The following THADA variants were observed in gnomAD, a reference collection of about 807,000 sequenced individuals.
THADA encodes the protein THADA armadillo repeat containing, also known as tRNA (32-2'-O)-methyltransferase regulator THADA.
In THADA, 213 loss-of-function variants were observed where a neutral mutation model predicts 219.8. The ratio of observed to expected loss-of-function variants is 0.97; its 90% CI spans 0.87 to 1.09. The LOEUF is 1.09. Among genes scored for constraint, THADA ranks in the 50% least tolerant of loss-of-function variants. The pLI is 0.00. For synonymous variants in THADA, 1,018 were observed against 828.9 expected (o/e 1.23, Z -3.92); for missense variants, 2,956 against 2,311.3 (o/e 1.28, Z -5.72).
chr2:43,383,774 G>A (rs1672306839), intron 29 of THADA, among the ~76,000 whole-genome samples: 1 of 152,134 alleles, frequency 6.6e-6, no homozygotes, highest in Non-Finnish European at 1.5e-5. Context: ...CTCAGGAAAT[G>A]AGTGCTTACT....
intron 20 of THADA, among the ~76,000 whole-genome samples, chr2:43,541,754 A>G (rs916676478): frequency 1.3e-5 from 2 of 152,162 alleles, no homozygotes; most frequent in Non-Finnish European, 2.9e-5. Context: ...TGGGCCTCCC[A>G]AAGTGCTGGG....
intron 28 of THADA, among the ~76,000 whole-genome samples, chr2:43,426,263 G>A (rs376154910): frequency 2.0e-5 from 3 of 152,172 alleles, no homozygotes; most frequent in South Asian, 4.2e-4. Flanking sequence ...ACCACTGAAA[G>A]GTACTTTCAA....
intron 36 of THADA, among the ~76,000 whole-genome samples, chr2:43,248,388 C>A (rs2104114960): frequency 6.6e-6 from 1 of 151,912 alleles, no homozygotes; most frequent in African/African-American, 2.4e-5. Context: ...CACCACCATG[C>A]CTGGCTAATT....
chr2:43,265,418 T>G (rs1184777752), intron 36 of THADA, among the ~76,000 whole-genome samples: 1 of 152,140 alleles, frequency 6.6e-6, no homozygotes, highest in Non-Finnish European at 1.5e-5. Context: ...AAAATTAGAG[T>G]AACCAAACTG....
chr2:43,239,453 C>A (rs988098224), intron 36 of THADA, among the ~76,000 whole-genome samples: 3 of 152,246 alleles, frequency 2.0e-5, no homozygotes, highest in South Asian at 2.1e-4. Context: ...TGATTCCCCC[C>A]ACTAGGGGAA....
chr2:43,292,104 C>G lies in THADA; in HGVS notation c.4937G>C (p.Arg1646Thr), dbSNP rs746792700. Residue 1646 changes from arginine to threonine, a missense_variant and splice_region_variant, in exon 33 of 38, where the codon AGA becomes ACA. Arg to Thr is a moderately conservative substitution (Grantham distance 71). Transcript: ENST00000405975. ...TGCACAGGAGGTTTTGGGGGCAAACCTTTCATTGGAAGCAATATCCATCGT... is the reference window on the plus strand; with the variant it reads ...TGCACAGGAGGTTTTGGGGGCAAACGTTTCATTGGAAGCAATATCCATCGT... ...IWTMDIASNE[R>T]SEIQSVALRL... 2 of 1,596,822 alleles carry G rather than the reference C, an allele frequency of 1.3e-6. No homozygotes were observed. Among genetic ancestry groups the G allele is most frequent in the South Asian group, 2.3e-5 (2 of 87,468 alleles).
intron 28 of THADA, among the ~76,000 whole-genome samples, chr2:43,427,725 G>C (rs1391664802): frequency 1.3e-5 from 2 of 149,616 alleles, no homozygotes; most frequent in Non-Finnish European, 3.0e-5. Context: ...GGGAGAATGA[G>C]GTGGGCGGAT....
At chr2:43,338,376 TGA>T (rs1186200128) in intron 30 of THADA, among the ~76,000 whole-genome samples, 1 of 152,032 alleles carries the variant, frequency 6.6e-6, no homozygotes, top group Non-Finnish European at 1.5e-5. Context: ...AGGCTGGTCT[TGA>T]ACTCCTGACC....
At chr2:43,526,938 A>G (rs1693240313) in intron 22 of THADA, among the ~76,000 whole-genome samples, 1 of 152,178 alleles carries the variant, frequency 6.6e-6, no homozygotes, top group African/African-American at 2.4e-5. Context: ...TTCATAAGTC[A>G]TATCTACACT....
chr2:43,545,865 G>C lies in THADA; in HGVS notation c.3106+3345C>G, dbSNP rs1192020394. On this transcript the variant is annotated intron_variant, in intron 20 of 37. Transcript: ENST00000405975. ...ATTTTTTGAAGGGTTTTTTGTGTCTGTATTTCCTTCAGTTCTGCTCTGACT... is the reference window on the plus strand; with the variant it reads ...ATTTTTTGAAGGGTTTTTTGTGTCTCTATTTCCTTCAGTTCTGCTCTGACT... Among the ~76,000 whole-genome samples the C allele has an allele frequency of 4.8e-4, 72 of 149,944 alleles. 1 individual carries two copies. The South Asian group carries it at 0.01, about 21-fold the overall frequency.
At chr2:43,449,674 T>C (rs1411339173) in intron 26 of THADA, among the ~76,000 whole-genome samples, 1 of 152,034 alleles carries the variant, frequency 6.6e-6, no homozygotes, top group African/African-American at 2.4e-5. Flanking sequence ...GAAGCTGAGG[T>C]GGGAGAATCA....
intron 31 of THADA, among the ~76,000 whole-genome samples, chr2:43,309,447 A>T (rs1342423325): frequency 1.3e-5 from 2 of 152,212 alleles, no homozygotes; most frequent in Non-Finnish European, 2.9e-5. Flanking sequence ...ATGACCATCA[A>T]CTAGTAAATT....
At chr2:43,261,212 A>ATT (rs1392295668) in intron 36 of THADA, among the ~76,000 whole-genome samples, 4 of 95,288 alleles carry the variant, frequency 4.2e-5, no homozygotes, top group African/African-American at 1.9e-4. Context: ...AAATTTGTGC[A>ATT]TTTCTTTTTT....
intron 31 of THADA, among the ~76,000 whole-genome samples, chr2:43,314,379 G>A (rs1010806406): frequency 6.6e-6 from 1 of 151,730 alleles, no homozygotes; most frequent in African/African-American, 2.4e-5. Flanking sequence ...AACCCAACAA[G>A]AGAGCTTAAA....
intron 21 of THADA, among the ~76,000 whole-genome samples, chr2:43,536,294 C>T (rs1312096759): frequency 2.6e-5 from 4 of 152,136 alleles, no homozygotes; most frequent in Non-Finnish European, 5.9e-5. Flanking sequence ...CTATTCTGTT[C>T]CACTGGTCTA....
chr2:43,362,891 C>G (rs577779102), intron 29 of THADA, among the ~76,000 whole-genome samples: 40 of 151,798 alleles, frequency 2.6e-4, no homozygotes, highest in Middle Eastern at 3.4e-3. Context: ...TATGTTTTTA[C>G]TTTTTTAACT....
intron 7 of THADA, among the ~76,000 whole-genome samples, chr2:43,585,648 C>T (rs1211038364): frequency 2.6e-5 from 4 of 151,862 alleles, no homozygotes; most frequent in Non-Finnish European, 4.4e-5. Context: ...AAGAAATATA[C>T]TGAACAAAAC....
chr2:43,489,851 T>G (rs1037983741), intron 25 of THADA, among the ~76,000 whole-genome samples: 2 of 133,874 alleles, frequency 1.5e-5, no homozygotes, highest in African/African-American at 6.4e-5. Context: ...TCCCTCACAT[T>G]TCCATATGTA....
In THADA at chr2:43,541,272, C is replaced by T; in HGVS notation, c.3151G>A (p.Val1051Ile). 9 of 1,613,328 alleles carry T rather than the reference C, an allele frequency of 5.6e-6. No homozygotes were observed. Among genetic ancestry groups the T allele is most frequent in the Non-Finnish European group, 7.6e-6 (9 of 1,179,612 alleles). ...TCDVTAQMVL[V>I]CCWRSMKEVA... ...TCCTTCATACTTCTCCAACAACATA[C>T]CAGCACCATCTGCGCAGTTACATCA... is the stretch of plus-strand genomic sequence containing the variant. Residue 1051 changes from valine (V) to isoleucine (I), a missense_variant, in exon 21 of 38, where the codon GTA (valine) becomes ATA (isoleucine). Val to Ile is a conservative substitution (Grantham distance 29). Transcript: ENST00000405975.
Sources: allele counts gnomAD v4.1 joint callset (sites outside exome capture counted in the v4.1 genomes callset), GRCh38; gene constraint gnomAD v4.1.1; transcripts MANE v1.5; gene names NCBI Gene and HGNC (gene_info 2026-07-23, HGNC 2026-07-21).